CDK17: variants seen among roughly 807,000 people sequenced by gnomAD.
CDK17 encodes cyclin-dependent kinase 17.
CDK17 carries 24 observed loss-of-function variants against 77.6 expected under a neutral mutation model. The observed-to-expected ratio is 0.31, with a 90% CI of 0.22 to 0.44. CDK17 has a LOEUF of 0.44. Ranked by LOEUF, CDK17 falls within the 20% of genes least tolerant of loss-of-function variation. The pLI is 1.00. For missense variants in CDK17, 429 were observed against 622.5 expected (o/e 0.69, Z 3.31); for synonymous variants, 203 against 210.4 (o/e 0.96, Z 0.30).
chr12:96,377,775 G>C (rs1232288705), intron 1 of CDK17, among the ~76,000 whole-genome samples: 2 of 144,820 alleles, frequency 1.4e-5, no homozygotes, highest in Admixed American at 7.1e-5. Context: ...CTCACTGCAA[G>C]CTCCCCCTCC....
intron 3 of CDK17, among the ~76,000 whole-genome samples, chr12:96,318,105 T>G (rs1452497010): frequency 4.6e-5 from 7 of 151,122 alleles, no homozygotes; most frequent in Admixed American, 2.6e-4. Context: ...TGGAGGAAGA[T>G]CTACCAAGCA....
rs79926070 is a variant in CDK17, at chr12:96,294,079, T to C, written c.997+920A>G. 9.7e-3 allele frequency among the ~76,000 whole-genome samples: 1,485 copies of C among 152,342 alleles called. 13 individuals are homozygous for C. The highest frequency in any genetic ancestry group is 0.02 in the Middle Eastern group (6 of 294). Reference sequence around the variant, plus strand: ...CCCTCAAATAACAGGGCTAGTTCAATGTGCACTCAAATAATCACATGAGCA... The same window carrying C: ...CCCTCAAATAACAGGGCTAGTTCAACGTGCACTCAAATAATCACATGAGCA... On this transcript the variant is annotated intron_variant, in intron 10 of 16. Transcript: ENST00000261211.
chr12:96,320,321 T>G, intron 3 of CDK17, among the ~76,000 whole-genome samples: 1 of 143,646 alleles, frequency 7.0e-6, no homozygotes, highest in African/African-American at 2.6e-5. Context: ...TACAAACAAA[T>G]GGAAGAACAT....
intron 1 of CDK17, among the ~76,000 whole-genome samples, chr12:96,346,540 AC>A (rs1267996772): frequency 3.3e-5 from 5 of 152,052 alleles, no homozygotes; most frequent in African/African-American, 1.2e-4. Flanking sequence ...AGGCAGGAAA[AC>A]TGCTTGAATC....
At chr12:96,320,520 A>T (rs1952801338) in intron 3 of CDK17, among the ~76,000 whole-genome samples, 1 of 148,078 alleles carries the variant, frequency 6.8e-6, no homozygotes, top group Non-Finnish European at 1.5e-5. Flanking sequence ...AGCCAAAAGA[A>T]CAAAGCTGGA....
At chr12:96,316,650 C>A (rs1458109290) in intron 3 of CDK17, among the ~76,000 whole-genome samples, 1 of 127,142 alleles carries the variant, frequency 7.9e-6, no homozygotes, top group African/African-American at 2.9e-5. Flanking sequence ...CCCTGACCCC[C>A]TGACCCCCGA....
At chr12:96,296,856 G>A (rs1952413928) in intron 9 of CDK17, among the ~76,000 whole-genome samples, 1 of 152,014 alleles carries the variant, frequency 6.6e-6, no homozygotes. Context: ...TGCATGTTCT[G>A]GCCTTATTCA....
rs545253075 is a variant in CDK17, at chr12:96,331,783, C to A, written c.118+2936G>T. Among the ~76,000 whole-genome samples, 5 of 152,200 alleles carry A rather than the reference C, an allele frequency of 3.3e-5. No homozygotes were observed. In the South Asian group the frequency reaches 1.0e-3, roughly 32 times the overall value. The stretch of plus-strand genomic sequence containing the variant: ...TAGTATTACCCCCAATTAATGTGTT[C>A]TGGATCTAGAGTATGCATGAGAGCC... On this transcript the variant is annotated intron_variant, in intron 2 of 16. Transcript: ENST00000261211.
At chr12:96,397,069 G>C (rs910380818) in intron 1 of CDK17, among the ~76,000 whole-genome samples, 23 of 151,908 alleles carry the variant, frequency 1.5e-4, no homozygotes, top group Non-Finnish European at 3.2e-4. Flanking sequence ...TAGTTGCATT[G>C]TTTTTCAGTG....
intron 1 of CDK17, among the ~76,000 whole-genome samples, chr12:96,346,990 T>C (rs779985808): frequency 1.3e-5 from 2 of 151,594 alleles, no homozygotes; most frequent in Non-Finnish European, 2.9e-5. Flanking sequence ...GGAAAAAATA[T>C]TCCATGCAAA....
chr12:96,341,275 T>C (rs1175457612), intron 1 of CDK17, among the ~76,000 whole-genome samples: 7 of 151,962 alleles, frequency 4.6e-5, no homozygotes. Flanking sequence ...TCTGACTCTA[T>C]TCCTCTATCC....
At chr12:96,316,962 A>G (rs1952738708) in intron 3 of CDK17, among the ~76,000 whole-genome samples, 1 of 150,266 alleles carries the variant, frequency 6.7e-6, no homozygotes, top group Non-Finnish European at 1.5e-5. Flanking sequence ...ATGGAGAATG[A>G]CTTTGACGAG....
chr12:96,323,353 G>A lies in CDK17; in HGVS notation c.283+595C>T, dbSNP rs1175021845. ...CACAGGTAGTTCCAGCTACTCAGGA[G>A]GCTGAGGTGGGAGGATCATTTGAGC... On this transcript the variant is annotated intron_variant, in intron 3 of 16. Coordinates refer to ENST00000261211, the MANE Select transcript of CDK17 (RefSeq NM_002595.5). Among the ~76,000 whole-genome samples, 4 of 152,034 alleles carry A rather than the reference G, an allele frequency of 2.6e-5. No homozygotes were observed. The East Asian group carries it at 5.8e-4, about 22-fold the overall frequency.
At chr12:96,323,480 A>C (rs1287560254) in intron 3 of CDK17, among the ~76,000 whole-genome samples, 1 of 152,074 alleles carries the variant, frequency 6.6e-6, no homozygotes, top group Non-Finnish European at 1.5e-5. Flanking sequence ...AAAAATAAAA[A>C]TAAAAACATA....
chr12:96,365,338 GAAGTAAAAAAGATAAATTTACCATT>G (rs1953567371), intron 1 of CDK17, among the ~76,000 whole-genome samples: 2 of 152,028 alleles, frequency 1.3e-5, no homozygotes, highest in Admixed American at 1.3e-4. Flanking sequence ...ACAATTCTAT[GAAGTAAAAAAGATAAATTTACCATT>G]CCTATTATAT....
chr12:96,384,000 A>G lies in CDK17; in HGVS notation c.-30+15986T>C, dbSNP rs114082924. 7.3e-3 allele frequency among the ~76,000 whole-genome samples: 1,106 copies of G among 152,286 alleles called. 13 individuals are homozygous for G. The highest frequency in any genetic ancestry group is 0.025 in the African/African-American group (1,021 of 41,540). On this transcript the variant is annotated intron_variant, in intron 1 of 16. Transcript: ENST00000261211. ...CTTCAGAATGGGAGAAAAGATTTGC[A>G]AACTATGCATCCAACAAAGGACTAA... is the stretch of plus-strand genomic sequence containing the variant.
At chr12:96,356,572 T>C (rs141884769) in intron 1 of CDK17, among the ~76,000 whole-genome samples, 1 of 152,300 alleles carries the variant, frequency 6.6e-6, no homozygotes, top group Non-Finnish European at 1.5e-5. Flanking sequence ...TGCTAAGTCT[T>C]AAAATTTAAT....
At position 96,279,040 on chromosome 12, in the gene CDK17, A is replaced by G. The variant is rs1952140129; in HGVS notation, c.*1202T>C. Reference sequence around the variant, plus strand: ...TACACGACCATTTCAAAATATACCAATTAAGATTTATAGTTTGTAAGATGC... The same window carrying G: ...TACACGACCATTTCAAAATATACCAGTTAAGATTTATAGTTTGTAAGATGC... On this transcript the variant is annotated 3_prime_UTR_variant, in exon 17 of 17. Transcript: ENST00000261211. The G allele has an allele frequency of 6.6e-6, 1 of 152,590 alleles. No individual in the cohort carries two copies. The allele number at this position is 152,590 out of a possible 1,614,324, so 9.5% of individuals were successfully genotyped here.
chr12:96,297,681 G>A lies in CDK17; in HGVS notation c.756C>T (p.Thr252=). 2 of 1,604,902 alleles carry A rather than the reference G, an allele frequency of 1.2e-6. No individual in the cohort carries two copies. The highest frequency in any genetic ancestry group is 1.7e-6 in the Non-Finnish European group (2 of 1,173,058). The part of the protein sequence containing the change: ...LKDLKHANIV[T]LHDIVHTDKS... ...TATCTGTGTGAACAATGTCATGTAA[G>A]GTTACTATATTTGCATGTTTTAAAT... Residue 252 remains threonine, a synonymous_variant, in exon 8 of 17, where the codon ACC becomes ACT. Transcript: ENST00000261211.
Sources: allele counts gnomAD v4.1 joint callset (sites outside exome capture counted in the v4.1 genomes callset), GRCh38; gene constraint gnomAD v4.1.1; transcripts MANE v1.5; gene names NCBI Gene and HGNC (gene_info 2026-07-23, HGNC 2026-07-21).